GRIK2: variants seen among roughly 807,000 people sequenced by gnomAD.
GRIK2 encodes glutamate ionotropic receptor kainate type subunit 2.
GRIK2 carries 32 observed loss-of-function variants against 100.3 expected under a neutral mutation model. The ratio of observed to expected loss-of-function variants is 0.32; its 90% CI spans 0.24 to 0.43. The LOEUF (loss-of-function observed/expected upper bound fraction) is 0.43. Among genes scored for constraint, GRIK2 ranks in the 20% least tolerant of loss-of-function variants. The pLI is 1.00. For synonymous variants in GRIK2, 417 were observed against 389.4 expected, an observed-to-expected ratio of 1.07 and a Z score of -0.83; for missense variants, 843 against 1,114.9, an observed-to-expected ratio of 0.76 and a Z score of 3.47.
intron 2 of GRIK2, among the ~76,000 whole-genome samples, chr6:101,537,351 G>A (rs996571833): frequency 6.6e-6 from 1 of 151,714 alleles, no homozygotes; most frequent in East Asian, 1.9e-4. Context: ...TTCCTCAAAA[G>A]CCAGTAGATG....
At chr6:101,585,980 A>G (rs536541660) in intron 2 of GRIK2, among the ~76,000 whole-genome samples, 11 of 152,214 alleles carry the variant, frequency 7.2e-5, no homozygotes, top group African/African-American at 2.6e-4. Flanking sequence ...TATTATTAAA[A>G]TATAAAATTA....
At chr6:102,014,969 A>C (rs1420618550) in intron 14 of GRIK2, among the ~76,000 whole-genome samples, 7 of 152,006 alleles carry the variant, frequency 4.6e-5, no homozygotes, top group Non-Finnish European at 1.0e-4. Context: ...CAACTGCTGA[A>C]TATCTTTCAA....
At chr6:101,668,255 A>G (rs999861293) in intron 4 of GRIK2, among the ~76,000 whole-genome samples, 2 of 152,006 alleles carry the variant, frequency 1.3e-5, no homozygotes, top group African/African-American at 2.4e-5. Context: ...TCTGTTTTCA[A>G]TGTTCTCTGT....
At chr6:101,791,002 T>TTTGTAGTATTCTC (rs1172664024) in intron 7 of GRIK2, among the ~76,000 whole-genome samples, 36 of 152,266 alleles carry the variant, frequency 2.4e-4, no homozygotes, top group African/African-American at 8.4e-4. Flanking sequence ...CATAGAGGTG[T>TTTGTAGTATTCTC]TTGTAGTATT....
At chr6:101,950,505 T>C (rs961456301) in intron 14 of GRIK2, among the ~76,000 whole-genome samples, 6 of 152,148 alleles carry the variant, frequency 3.9e-5, no homozygotes, top group Admixed American at 3.3e-4. Flanking sequence ...AATGGACTCT[T>C]ACCCTCAGGA....
chr6:101,539,184 T>C (rs537498820), intron 2 of GRIK2, among the ~76,000 whole-genome samples: 81 of 151,868 alleles, frequency 5.3e-4, no homozygotes, highest in African/African-American at 1.9e-3. Context: ...TGAAGGCCAG[T>C]TCACTTCTGT....
intron 2 of GRIK2, among the ~76,000 whole-genome samples, chr6:101,399,738 C>A (rs771456022): frequency 6.6e-5 from 10 of 152,166 alleles, no homozygotes; most frequent in Non-Finnish European, 1.3e-4. Context: ...GGTGCGCGGT[C>A]CGCGCAAAAG....
chr6:101,719,833 T>C (rs1198656949), intron 7 of GRIK2, among the ~76,000 whole-genome samples: 1 of 152,000 alleles, frequency 6.6e-6, no homozygotes, highest in African/African-American at 2.4e-5. Flanking sequence ...ACTCTCCTCC[T>C]ACAGCCACTG....
chr6:101,732,589 A>G (rs1775350861), intron 7 of GRIK2, among the ~76,000 whole-genome samples: 1 of 152,154 alleles, frequency 6.6e-6, no homozygotes, highest in Non-Finnish European at 1.5e-5. Flanking sequence ...CTGGCCAAAT[A>G]TTTATACTTT....
chr6:101,467,576 G>A lies in GRIK2; in HGVS notation c.115+68184G>A, dbSNP rs557707201. 4.6e-5 allele frequency among the ~76,000 whole-genome samples: 7 copies of A among 152,164 alleles called. No homozygotes were observed. The South Asian group carries it at 1.0e-3, about 23-fold the overall frequency. ...ATTTTTAATAGCAAACCCAGAGCTC[G>A]ACCTTCCATTATTCAATATTGCTGT... On this transcript the variant is annotated intron_variant, in intron 2 of 16. Transcript: ENST00000369134.
intron 2 of GRIK2, among the ~76,000 whole-genome samples, chr6:101,424,205 C>T (rs140723106): frequency 0.026 from 3,989 of 151,740 alleles, 191 homozygotes; most frequent in African/African-American, 0.092. Flanking sequence ...TTTTAGGGTA[C>T]ATGTACACAA....
intron 7 of GRIK2, chr6:101,744,959 T>C (rs1327013372): frequency 6.6e-6 from 1 of 152,098 alleles, no homozygotes; most frequent in African/African-American, 2.4e-5. Flanking sequence ...TTGTGAGCAC[T>C]GTTTAATTCT....
intron 14 of GRIK2, among the ~76,000 whole-genome samples, chr6:101,958,504 G>T (rs1357368074): frequency 6.6e-6 from 1 of 151,802 alleles, no homozygotes; most frequent in African/African-American, 2.4e-5. Flanking sequence ...TTTCCAATTT[G>T]GATGCCTTTT....
In GRIK2 at chr6:101,901,272, G is replaced by T. The variant is rs575023041; in HGVS notation, c.1748+11409G>T. ...ATTTAAAGCCACTCTTAATTTGATT[G>T]GACAATTGGGTGTTTTAGAAAAAAA... On this transcript the variant is annotated intron_variant, in intron 12 of 16. Coordinates refer to ENST00000369134, the MANE Select transcript of GRIK2 (RefSeq NM_021956.5). Among the ~76,000 whole-genome samples the T allele has an allele frequency of 2.3e-3, 349 of 151,830 alleles. 4 individuals are homozygous for T. The highest frequency in any genetic ancestry group is 7.4e-3 in the African/African-American group (306 of 41,466).
chr6:101,819,370 C>G (rs376501567), intron 10 of GRIK2, among the ~76,000 whole-genome samples: 1 of 152,046 alleles, frequency 6.6e-6, no homozygotes, highest in East Asian at 1.9e-4. Flanking sequence ...TATATTCTTG[C>G]CCCTTTAGTA....
intron 10 of GRIK2, among the ~76,000 whole-genome samples, chr6:101,834,409 C>T (rs73512798): frequency 0.07 from 10,594 of 151,144 alleles, 929 homozygotes; most frequent in African/African-American, 0.21. Context: ...CGTCTATTTC[C>T]CAGCCTCTTA....
chr6:101,744,816 G>C (rs1046358620), intron 7 of GRIK2: 8 of 151,202 alleles, frequency 5.3e-5, no homozygotes, highest in African/African-American at 1.9e-4. Flanking sequence ...CCTGACCTCA[G>C]GTAATCCGCC....
intron 11 of GRIK2, among the ~76,000 whole-genome samples, chr6:101,864,454 G>A (rs1473338674): frequency 6.6e-6 from 1 of 152,066 alleles, no homozygotes; most frequent in Non-Finnish European, 1.5e-5. Context: ...CTGAGCCCTA[G>A]TCAAAAAACT....
At chr6:101,460,693 G>A (rs1562153986) in intron 2 of GRIK2, among the ~76,000 whole-genome samples, 1 of 152,130 alleles carries the variant, frequency 6.6e-6, no homozygotes, top group Non-Finnish European at 1.5e-5. Context: ...TCCATATAGA[G>A]AATCTTCAAT....
Sources: gnomAD v4.1 joint callset for allele counts (sites outside exome capture counted in the v4.1 genomes callset) on GRCh38, gnomAD v4.1.1 for gene constraint, MANE v1.5 for transcripts, NCBI Gene and HGNC (gene_info 2026-07-23, HGNC 2026-07-21) for gene names.